Variants in TNFRSF11B observed in about 807,000 individuals in gnomAD.
TNFRSF11B encodes the protein TNF receptor superfamily member 11b.
A neutral mutation model predicts 43.4 loss-of-function variants in TNFRSF11B; 16 were observed. That is an observed-to-expected ratio of 0.37 (90% CI 0.25 to 0.56). The LOEUF is 0.56. TNFRSF11B is among the 20% of genes least tolerant of loss of function. The pLI is 0.80. For missense variants in TNFRSF11B, 444 were observed against 490.1 expected, an observed-to-expected ratio of 0.91 and a Z score of 0.89; for synonymous variants, 185 against 181.8, an observed-to-expected ratio of 1.02 and a Z score of -0.14.
Position 118,924,143 on chromosome 8 carries a change from A to G in TNFRSF11B, c.*231T>C. 1 of 465,244 alleles carries G rather than the reference A, an allele frequency of 2.1e-6. No individual in the cohort carries two copies. Among genetic ancestry groups the G allele is most frequent in the Non-Finnish European group, 3.9e-6 (1 of 258,646 alleles). 28.8% of individuals were successfully genotyped at this position (465,244 alleles called of 1,614,324 possible). ...TTACTGCAAGCAGTAATAAGGGAAA[A>G]TATAGTCAGTAGATAACGATCCAGA... is the stretch of plus-strand genomic sequence containing the variant. On this transcript the variant is annotated 3_prime_UTR_variant, in exon 5 of 5. Coordinates refer to ENST00000297350, the MANE Select transcript of TNFRSF11B (RefSeq NM_002546.4).
At chr8:118,925,545 C>T (rs1382256204) in intron 4 of TNFRSF11B, among the ~76,000 whole-genome samples, 2 of 152,212 alleles carry the variant, frequency 1.3e-5, no homozygotes, top group African/African-American at 4.8e-5. Flanking sequence ...TAAAAGTTTA[C>T]TCTTTGCATA....
At chr8:118,948,131 A>G (rs570475183) in intron 1 of TNFRSF11B, among the ~76,000 whole-genome samples, 2 of 152,346 alleles carry the variant, frequency 1.3e-5, no homozygotes, top group South Asian at 4.1e-4. Context: ...CTACTGCCCT[A>G]CAGGGTAAAC....
At chr8:118,941,557 G>T (rs376144400) in intron 1 of TNFRSF11B, among the ~76,000 whole-genome samples, 2 of 152,112 alleles carry the variant, frequency 1.3e-5, no homozygotes, top group Non-Finnish European at 2.9e-5. Flanking sequence ...GTTCCCTTCA[G>T]AAGTTTCCTT....
intron 1 of TNFRSF11B, among the ~76,000 whole-genome samples, chr8:118,933,930 C>T (rs1812366804): frequency 6.6e-6 from 1 of 152,060 alleles, no homozygotes; most frequent in Admixed American, 6.6e-5. Flanking sequence ...AGAAATTCTG[C>T]CCTTATGGAG....
At chr8:118,937,909 A>G (rs1812425774) in intron 1 of TNFRSF11B, among the ~76,000 whole-genome samples, 1 of 152,250 alleles carries the variant, frequency 6.6e-6, no homozygotes, top group African/African-American at 2.4e-5. Context: ...GTTGTATCTC[A>G]AAATACAGAG....
At chr8:118,946,578 C>G (rs984824547) in intron 1 of TNFRSF11B, among the ~76,000 whole-genome samples, 4 of 152,076 alleles carry the variant, frequency 2.6e-5, no homozygotes, top group African/African-American at 9.7e-5. Context: ...TTGTGGGTTG[C>G]TAAGTTTTAT....
chr8:118,948,369 C>T (rs1334174072), intron 1 of TNFRSF11B, among the ~76,000 whole-genome samples: 1 of 151,804 alleles, frequency 6.6e-6, no homozygotes, highest in Admixed American at 6.6e-5. Context: ...GAAAATAATG[C>T]TTTTTACAAA....
At position 118,951,836 on chromosome 8, in the gene TNFRSF11B, A is replaced by AC. The variant is rs764445967; in HGVS notation, c.-16dup. Reference sequence around the variant, plus strand: ...AAGTTGTTCATTGTGGTCCCCGGAAACCTCAGGGGCTTGGAGGCGGCGGCT... The same window carrying AC: ...AAGTTGTTCATTGTGGTCCCCGGAAACCCTCAGGGGCTTGGAGGCGGCGGCT... On this transcript the variant is annotated 5_prime_UTR_variant, in exon 1 of 5. Coordinates refer to ENST00000297350, the MANE Select transcript of TNFRSF11B (RefSeq NM_002546.4). 21 of 1,585,264 alleles carry AC rather than the reference A, an allele frequency of 1.3e-5. 1 individual carries two copies. The East Asian group carries it at 1.9e-4, about 14-fold the overall frequency.
intron 1 of TNFRSF11B, among the ~76,000 whole-genome samples, chr8:118,937,868 T>TA (rs1320934307): frequency 6.6e-6 from 1 of 152,260 alleles, no homozygotes; most frequent in East Asian, 1.9e-4. Flanking sequence ...AGCATGAGAC[T>TA]TAGCAAACAC....
intron 1 of TNFRSF11B, among the ~76,000 whole-genome samples, chr8:118,934,532 G>A (rs965620941): frequency 6.6e-6 from 1 of 152,122 alleles, no homozygotes; most frequent in African/African-American, 2.4e-5. Flanking sequence ...AGGATTTCAT[G>A]GGCAAGGGTG....
chr8:118,928,269 A>G (rs1812274684), intron 3 of TNFRSF11B, among the ~76,000 whole-genome samples: 1 of 152,044 alleles, frequency 6.6e-6, no homozygotes, highest in African/African-American at 2.4e-5. Flanking sequence ...TGATCTGCCT[A>G]CCTTGGCCCC....
chr8:118,945,396 C>A (rs1812542907), intron 1 of TNFRSF11B, among the ~76,000 whole-genome samples: 1 of 151,912 alleles, frequency 6.6e-6, no homozygotes, highest in South Asian at 2.1e-4. Context: ...ATGGTGTCAC[C>A]CATTGGAGCT....
chr8:118,925,024 CA>C (rs1359713517), intron 4 of TNFRSF11B, among the ~76,000 whole-genome samples: 4 of 151,990 alleles, frequency 2.6e-5, no homozygotes, highest in Non-Finnish European at 5.9e-5. Context: ...TGAAAATTAA[CA>C]GTAGAAAATA....
chr8:118,931,273 G>A (rs1264836862), intron 2 of TNFRSF11B, among the ~76,000 whole-genome samples: 2 of 152,176 alleles, frequency 1.3e-5, no homozygotes, highest in Admixed American at 6.5e-5. Context: ...TGCTGTGTGG[G>A]TTTTTAGGGA....
chr8:118,951,169 G>T (rs1812638485), intron 1 of TNFRSF11B, among the ~76,000 whole-genome samples: 1 of 152,040 alleles, frequency 6.6e-6, no homozygotes, highest in African/African-American at 2.4e-5. Context: ...ATAACATACT[G>T]CCAATATTCT....
chr8:118,924,747 TCA>T lies in TNFRSF11B; in HGVS notation c.831_832del (p.Cys277Ter). ...TCCAATGTGCCGCTGCACGCTGTTT[TCA>T]CAGAGGTCAATATCTGCATAAAGCA... On this transcript the variant is annotated stop_gained and frameshift_variant, in exon 5 of 5. Coordinates refer to ENST00000297350, the MANE Select transcript of TNFRSF11B (RefSeq NM_002546.4). LOFTEE classifies it high-confidence loss of function. The T allele has an allele frequency of 1.2e-6, 2 of 1,614,180 alleles. No homozygotes were observed. Among genetic ancestry groups the T allele is most frequent in the Non-Finnish European group, 1.7e-6 (2 of 1,180,026 alleles).
chr8:118,949,392 C>A (rs1037994412), intron 1 of TNFRSF11B, among the ~76,000 whole-genome samples: 14 of 152,088 alleles, frequency 9.2e-5, no homozygotes, highest in Admixed American at 7.9e-4. Flanking sequence ...TCTAGATTGT[C>A]CTAAAGTTAG....
chr8:118,948,695 T>A (rs1812600298), intron 1 of TNFRSF11B, among the ~76,000 whole-genome samples: 1 of 152,020 alleles, frequency 6.6e-6, no homozygotes, highest in Admixed American at 6.6e-5. Flanking sequence ...CGGACAGGGA[T>A]CAGGACTGTT....
chr8:118,942,248 G>A (rs1377890784), intron 1 of TNFRSF11B, among the ~76,000 whole-genome samples: 2 of 121,872 alleles, frequency 1.6e-5, no homozygotes, highest in Admixed American at 1.1e-4. Flanking sequence ...GCCCCCCCGT[G>A]TGTGATGTTC....
Sources: gnomAD v4.1 joint callset for allele counts (sites outside exome capture counted in the v4.1 genomes callset) on GRCh38, gnomAD v4.1.1 for gene constraint, MANE v1.5 for transcripts, NCBI Gene and HGNC (gene_info 2026-07-23, HGNC 2026-07-21) for gene names.